Variants in NTM observed in about 807,000 individuals in gnomAD.
The protein encoded by NTM is IgLON family member 2.
NTM carries 13 observed loss-of-function variants against 42.1 expected under a neutral mutation model. That is an observed-to-expected ratio of 0.31 (90% CI 0.20 to 0.49). NTM has a LOEUF of 0.49. Among genes scored for constraint, NTM ranks in the 20% least tolerant of loss-of-function variants. The pLI is 0.99. For missense variants in NTM, 373 were observed against 452.8 expected (o/e 0.82, Z 1.60); for synonymous variants, 187 against 179.2 (o/e 1.04, Z -0.35).
intron 1 of NTM, among the ~76,000 whole-genome samples, chr11:131,414,478 G>A (rs551372106): frequency 1.2e-3 from 177 of 152,324 alleles, no homozygotes; most frequent in African/African-American, 4.0e-3. Flanking sequence ...GCAGATCAGG[G>A]CAGCAGGTCC....
chr11:132,048,933 T>C (rs978862682), intron 2 of NTM, among the ~76,000 whole-genome samples: 1 of 151,752 alleles, frequency 6.6e-6, no homozygotes, highest in African/African-American at 2.4e-5. Context: ...GCCCTTACCC[T>C]GTAGGAGATT....
intron 1 of NTM, among the ~76,000 whole-genome samples, chr11:131,698,482 G>A (rs561000605): frequency 3.9e-5 from 6 of 152,126 alleles, no homozygotes; most frequent in Admixed American, 6.5e-5. Flanking sequence ...CATTTCACCC[G>A]CATAACAACA....
chr11:131,932,020 C>A (rs926780510), intron 2 of NTM, among the ~76,000 whole-genome samples: 5 of 152,248 alleles, frequency 3.3e-5, no homozygotes, highest in Non-Finnish European at 7.3e-5. Flanking sequence ...GCAGCCAGGG[C>A]TGTCAGAACC....
At chr11:132,059,888 G>T (rs1168712134) in intron 2 of NTM, among the ~76,000 whole-genome samples, 1 of 152,178 alleles carries the variant, frequency 6.6e-6, no homozygotes, top group Non-Finnish European at 1.5e-5. Context: ...AAGCTACACA[G>T]TGCCTCATGG....
chr11:132,331,837 A>G (rs533317481), intron 8 of NTM, among the ~76,000 whole-genome samples: 1 of 152,238 alleles, frequency 6.6e-6, no homozygotes, highest in South Asian at 2.1e-4. Flanking sequence ...CATATTTCGG[A>G]CGGAGGGGAG....
At chr11:132,211,848 G>A (rs575188053) in intron 3 of NTM, 174 bp from the exon 4 acceptor site, 14 of 490,156 alleles carry the variant, frequency 2.9e-5, no homozygotes, top group African/African-American at 2.6e-4. Flanking sequence ...GGAAATCAAA[G>A]CTAAATTAAA....
chr11:131,476,040 AAAGG>A (rs1340235774), intron 1 of NTM, among the ~76,000 whole-genome samples: 13 of 152,108 alleles, frequency 8.5e-5, no homozygotes, highest in Admixed American at 3.3e-4. Flanking sequence ...AGGAAGGAAA[AAAGG>A]AAGAAAGGAA....
At chr11:132,189,677 C>T (rs938088104) in intron 3 of NTM, among the ~76,000 whole-genome samples, 5 of 151,322 alleles carry the variant, frequency 3.3e-5, no homozygotes, top group South Asian at 2.1e-4. Context: ...CAGACACACA[C>T]GATACTTGAG....
At chr11:131,705,308 G>C (rs992782871) in intron 1 of NTM, among the ~76,000 whole-genome samples, 3 of 152,200 alleles carry the variant, frequency 2.0e-5, no homozygotes, top group African/African-American at 7.2e-5. Flanking sequence ...CAGGTAAGGA[G>C]AGAGGGGATG....
chr11:132,043,379 T>C (rs897020402), intron 2 of NTM, among the ~76,000 whole-genome samples: 1 of 152,230 alleles, frequency 6.6e-6, no homozygotes, highest in Admixed American at 6.5e-5. Context: ...CTTTAACAAA[T>C]GTGAGCCATG....
At chr11:132,167,108 T>G (rs553503585) in intron 3 of NTM, among the ~76,000 whole-genome samples, 1 of 152,384 alleles carries the variant, frequency 6.6e-6, no homozygotes, top group Admixed American at 6.5e-5. Flanking sequence ...TATTCATTCA[T>G]TCAATAAAAA....
Position 132,044,086 on chromosome 11 carries a change from G to GTGTATGTA in NTM, c.168-102195_168-102194insGTATGTAT, listed in dbSNP as rs1566015713. On this transcript the variant is annotated intron_variant, in intron 2 of 8. Transcript: ENST00000683400. ...TGTGTGTATGTGTATGTGTTTGTGT[G>GTGTATGTA]TATGTGTGTATGTATATGTGTGTAT... 2.5e-3 allele frequency among the ~76,000 whole-genome samples: 366 copies of GTGTATGTA among 145,042 alleles called. 2 individuals carry two copies. Among genetic ancestry groups the GTGTATGTA allele is most frequent in the African/African-American group, 9.1e-3 (353 of 38,716 alleles).
At chr11:132,255,460 A>G (rs2092396639) in intron 4 of NTM, among the ~76,000 whole-genome samples, 1 of 152,170 alleles carries the variant, frequency 6.6e-6, no homozygotes, top group Non-Finnish European at 1.5e-5. Context: ...CGGCTGCTCG[A>G]GGGAACTCTG....
chr11:132,016,049 AG>A (rs1365415017), intron 2 of NTM, among the ~76,000 whole-genome samples: 5 of 151,082 alleles, frequency 3.3e-5, no homozygotes, highest in African/African-American at 1.2e-4. Flanking sequence ...TGTTAGATGT[AG>A]GTTTGTCATA....
At chr11:132,063,223 C>T (rs956573785) in intron 2 of NTM, among the ~76,000 whole-genome samples, 3 of 152,150 alleles carry the variant, frequency 2.0e-5, no homozygotes, top group Non-Finnish European at 2.9e-5. Flanking sequence ...TACCTAATTA[C>T]CTCCGAAATG....
chr11:131,988,749 C>T (rs528887355), intron 2 of NTM, among the ~76,000 whole-genome samples: 104 of 152,270 alleles, frequency 6.8e-4, no homozygotes, highest in African/African-American at 2.4e-3. Context: ...AATTGATGGC[C>T]AGCAGAGGCA....
At chr11:131,634,153 A>G (rs913259447) in intron 1 of NTM, among the ~76,000 whole-genome samples, 2 of 152,188 alleles carry the variant, frequency 1.3e-5, no homozygotes, top group Admixed American at 6.5e-5. Context: ...TTCACCAGTG[A>G]GCTGAAAAAG....
intron 4 of NTM, among the ~76,000 whole-genome samples, chr11:132,307,188 T>A (rs1226606969): frequency 6.6e-6 from 1 of 152,152 alleles, no homozygotes; most frequent in Non-Finnish European, 1.5e-5. Flanking sequence ...ATTTTTTATG[T>A]TAGTGTTTCT....
rs2095867095 is a variant in NTM, at chr11:132,335,682, G to A, written c.*536G>A. 1 of 151,820 alleles carries A rather than the reference G, an allele frequency of 6.6e-6. No individual in the cohort carries two copies. The highest frequency in any genetic ancestry group is 2.1e-4 in the South Asian group (1 of 4,830). 9.4% of individuals were successfully genotyped at this position (151,820 alleles called of 1,614,324 possible). A position where few individuals can be genotyped will look rare whatever the true frequency, so the allele number is the denominator to read the frequency against. On this transcript the variant is annotated 3_prime_UTR_variant, in exon 9 of 9. Coordinates refer to ENST00000683400, the MANE Select transcript of NTM (RefSeq NM_001352005.2). Reference sequence around the variant, plus strand: ...AAAAGGAAACAAAATAAGACCGTCTGACAGCAACAACGGTCCCACAAACAA... The same window carrying A: ...AAAAGGAAACAAAATAAGACCGTCTAACAGCAACAACGGTCCCACAAACAA...
Sources: gnomAD v4.1 joint callset for allele counts (sites outside exome capture counted in the v4.1 genomes callset) on GRCh38, gnomAD v4.1.1 for gene constraint, MANE v1.5 for transcripts, NCBI Gene and HGNC (gene_info 2026-07-23, HGNC 2026-07-21) for gene names.